Variants in MAML2 observed in about 807,000 individuals in gnomAD.
The protein encoded by MAML2 is mastermind like transcriptional coactivator 2.
In MAML2, 22 loss-of-function variants were observed where a neutral mutation model predicts 96.1. The observed-to-expected ratio is 0.23, with a 90% confidence interval of 0.16 to 0.33. MAML2 has a LOEUF of 0.33. Ranked by LOEUF, MAML2 falls within the 10% of genes least tolerant of loss-of-function variation. The probability of loss-of-function intolerance (pLI) is 1.00; values close to 1 mark genes in which losing one functional copy is unlikely to be tolerated. For synonymous variants in MAML2, 561 were observed against 521.3 expected (o/e 1.08, Z -1.04); for missense variants, 1,367 against 1,392.4 (o/e 0.98, Z 0.29).
At chr11:95,985,490 T>C in intron 4 of MAML2, 41 bp downstream of exon 4, 1 of 1,243,254 alleles carries the variant, frequency 8.0e-7, no homozygotes, top group Non-Finnish European at 1.1e-6. Flanking sequence ...TTTTTTTTCC[T>C]TTCACAGCTA....
chr11:96,315,276 G>A (rs578047710), intron 1 of MAML2, among the ~76,000 whole-genome samples: 7 of 152,316 alleles, frequency 4.6e-5, no homozygotes, highest in East Asian at 1.9e-4. Context: ...GAAGGACATA[G>A]TTGTCCTCTT....
At chr11:96,124,011 A>C (rs915114199) in intron 1 of MAML2, among the ~76,000 whole-genome samples, 1 of 148,436 alleles carries the variant, frequency 6.7e-6, no homozygotes, top group Non-Finnish European at 1.5e-5. Context: ...CGGAGGTTGC[A>C]GTGAGCCGAG....
At chr11:96,252,137 T>C (rs193110346) in intron 1 of MAML2, among the ~76,000 whole-genome samples, 1 of 151,892 alleles carries the variant, frequency 6.6e-6, no homozygotes, top group African/African-American at 2.4e-5. Context: ...AAAATTACAC[T>C]CGTTATGCTG....
In MAML2 at chr11:96,018,404, A is replaced by C. The variant is rs1468451086; in HGVS notation, c.2140-26681T>G. On this transcript the variant is annotated intron_variant, in intron 2 of 4. Transcript: ENST00000524717. ...GTTGTCAGCATAGAAAAGATACTGA[A>C]AGTCATGAATTTGGATGCTATCACC... Among the ~76,000 whole-genome samples the C allele has an allele frequency of 2.6e-5, 4 of 152,248 alleles. No individual in the cohort carries two copies. The East Asian group carries it at 7.7e-4, about 29-fold the overall frequency.
intron 1 of MAML2, among the ~76,000 whole-genome samples, chr11:96,117,383 C>A (rs968053936): frequency 1.3e-5 from 2 of 151,816 alleles, no homozygotes; most frequent in Admixed American, 1.3e-4. Flanking sequence ...ACAGCCTCAA[C>A]CTCCTGGGTT....
At chr11:96,165,375 G>T (rs145344755) in intron 1 of MAML2, among the ~76,000 whole-genome samples, 1 of 152,252 alleles carries the variant, frequency 6.6e-6, no homozygotes, top group African/African-American at 2.4e-5. Flanking sequence ...ATCATTGATG[G>T]TGTTGGTCTG....
At position 96,195,138 on chromosome 11, in the gene MAML2, A is replaced by T. The variant is rs141638390; in HGVS notation, c.514-101621T>A. On this transcript the variant is annotated intron_variant, in intron 1 of 4. Coordinates refer to ENST00000524717, the MANE Select transcript of MAML2 (RefSeq NM_032427.4). ...GTCATAGGCTTTCTTTCTCCTATTG[A>T]CTTGACCTCTGATAGAACCACAAGT... 5.9e-5 allele frequency among the ~76,000 whole-genome samples: 9 copies of T among 152,314 alleles called. No individual in the cohort carries two copies. The East Asian group carries it at 1.5e-3, about 26-fold the overall frequency.
At chr11:96,135,422 G>A (rs1860612424) in intron 1 of MAML2, among the ~76,000 whole-genome samples, 2 of 152,190 alleles carry the variant, frequency 1.3e-5, no homozygotes, top group Middle Eastern at 3.4e-3. Flanking sequence ...AGGCCTATCA[G>A]TTAGGCCTGA....
chr11:96,219,624 T>C (rs1330725357), intron 1 of MAML2, among the ~76,000 whole-genome samples: 1 of 152,044 alleles, frequency 6.6e-6, no homozygotes, highest in Non-Finnish European at 1.5e-5. Context: ...TGAGTCTCAG[T>C]TCATTATTAT....
chr11:96,192,221 T>C (rs1158510899), intron 1 of MAML2, among the ~76,000 whole-genome samples: 1 of 152,112 alleles, frequency 6.6e-6, no homozygotes, highest in Admixed American at 6.6e-5. Flanking sequence ...GTGGGTTGGA[T>C]GGGCAGTTAG....
At chr11:96,214,948 T>C (rs1003737764) in intron 1 of MAML2, among the ~76,000 whole-genome samples, 2 of 152,238 alleles carry the variant, frequency 1.3e-5, no homozygotes, top group African/African-American at 2.4e-5. Context: ...TCTTTGGAAA[T>C]TGGCCATGTG....
chr11:96,267,178 G>T (rs1862841519), intron 1 of MAML2, among the ~76,000 whole-genome samples: 1 of 152,178 alleles, frequency 6.6e-6, no homozygotes, highest in Admixed American at 6.5e-5. Flanking sequence ...CAATAGTGGA[G>T]TCAGTGCCAA....
At chr11:96,169,533 A>G (rs2135898409) in intron 1 of MAML2, among the ~76,000 whole-genome samples, 1 of 152,358 alleles carries the variant, frequency 6.6e-6, no homozygotes, top group Non-Finnish European at 1.5e-5. Context: ...TGGGACGCAA[A>G]TTGAAAGGCA....
At position 96,092,113 on chromosome 11, in the gene MAML2, G is replaced by T. The variant is rs1223536374; in HGVS notation, c.1918C>A (p.Gln640Lys). ...TGCTGTTGTTGCTGCTGCTGCTGCT[G>T]TTGGGCTGAAATTGAGCTCTGCTGC... ...QQQQSSISAQ[Q>K]QQQQQQQQQQ... Residue 640 changes from glutamine to lysine, a missense_variant, in exon 2 of 5, where the codon CAG becomes AAG. Physicochemically the swap from Gln to Lys is moderately conservative, Grantham distance 53. Coordinates refer to ENST00000524717, the MANE Select transcript of MAML2 (RefSeq NM_032427.4). This position sits in a 1 kb window ranked among gnomAD's most constrained non-coding sequence, Gnocchi z 4.1. The T allele has an allele frequency of 6.4e-7, 1 of 1,550,444 alleles. No homozygotes were observed. The highest frequency in any genetic ancestry group is 2.0e-5 in the Admixed American group (1 of 50,918).
At chr11:96,241,496 A>C (rs1862437415) in intron 1 of MAML2, among the ~76,000 whole-genome samples, 1 of 152,216 alleles carries the variant, frequency 6.6e-6, no homozygotes, top group Non-Finnish European at 1.5e-5. Context: ...GTCTACTGGC[A>C]CCTAGTGGGT....
intron 1 of MAML2, among the ~76,000 whole-genome samples, chr11:96,159,407 C>CTTTTTTTTTTTTTTTTTTTTTTTTTT (rs760811590): frequency 4.4e-5 from 4 of 91,150 alleles, no homozygotes; most frequent in Non-Finnish European, 5.9e-5. Context: ...ACCACTGATT[C>CTTTTTTTTTTTTTTTTTTTTTTTTTT]TTTTTTTTTT....
At chr11:96,238,466 C>T (rs1374365560) in intron 1 of MAML2, among the ~76,000 whole-genome samples, 1 of 152,192 alleles carries the variant, frequency 6.6e-6, no homozygotes, top group Non-Finnish European at 1.5e-5. Context: ...AATGAAATTT[C>T]TGCTGTGAGT....
At chr11:96,048,483 A>G (rs1858941361) in intron 2 of MAML2, among the ~76,000 whole-genome samples, 1 of 152,216 alleles carries the variant, frequency 6.6e-6, no homozygotes, top group Non-Finnish European at 1.5e-5. Context: ...TAATTTAGGC[A>G]GAAAGAAAAT....
intron 2 of MAML2, among the ~76,000 whole-genome samples, chr11:96,017,226 T>G (rs1858368051): frequency 6.6e-6 from 1 of 152,200 alleles, no homozygotes; most frequent in Admixed American, 6.5e-5. Context: ...CATTTGTTAG[T>G]TAGTAAATGG....
Sources: gnomAD v4.1 joint callset for allele counts (sites outside exome capture counted in the v4.1 genomes callset) on GRCh38, gnomAD v4.1.1 for gene constraint, Gnocchi (gnomAD v3.1) non-coding constraint, MANE v1.5 for transcripts, NCBI Gene and HGNC (gene_info 2026-07-23, HGNC 2026-07-21) for gene names.